MGA: variants seen among roughly 807,000 people sequenced by gnomAD.
MGA encodes MAX dimerization protein MGA.
Under a neutral mutation model 261.1 loss-of-function variants are expected in MGA, and 40 were observed. The ratio of observed to expected loss-of-function variants is 0.15; its 90% CI spans 0.12 to 0.20. The LOEUF (loss-of-function observed/expected upper bound fraction) is 0.20, where lower values mean the gene tolerates loss of function less well. MGA is among the 10% of genes least tolerant of loss of function. The pLI is 1.00. For missense variants in MGA, 3,397 were observed against 3,630.5 expected (o/e 0.94, Z 1.65); for synonymous variants, 1,302 against 1,290.6 (o/e 1.01, Z -0.19).
At chr15:41,734,198 G>A (rs186976094) in intron 11 of MGA, among the ~76,000 whole-genome samples, 25 of 152,082 alleles carry the variant, frequency 1.6e-4, no homozygotes, top group Non-Finnish European at 2.4e-4. Context: ...ATGAGCCACC[G>A]AGACTGGCCT....
intron 1 of MGA, among the ~76,000 whole-genome samples, chr15:41,623,574 G>A (rs1023504660): frequency 6.6e-6 from 1 of 151,740 alleles, no homozygotes. Flanking sequence ...GAAAAACCCC[G>A]TCTCGACTAA....
chr15:41,650,828 C>T (rs2057028113), intron 1 of MGA, among the ~76,000 whole-genome samples: 1 of 152,202 alleles, frequency 6.6e-6, no homozygotes, highest in Admixed American at 6.5e-5. Flanking sequence ...GTATCATGAA[C>T]ATCATGGACT....
chr15:41,754,744 C>T (rs958882055), intron 18 of MGA, among the ~76,000 whole-genome samples, 177 bp downstream of exon 18: 19 of 151,968 alleles, frequency 1.3e-4, no homozygotes, highest in African/African-American at 3.6e-4. Flanking sequence ...TTTCTTTGGT[C>T]GTTGGTAGGA....
chr15:41,756,664 A>T (rs987434287), intron 18 of MGA, among the ~76,000 whole-genome samples: 5 of 152,238 alleles, frequency 3.3e-5, no homozygotes, highest in African/African-American at 9.6e-5. Flanking sequence ...GGAAATTCAC[A>T]TTGTGGAATA....
chr15:41,686,380 A>G (rs1223448891), intron 2 of MGA, among the ~76,000 whole-genome samples: 2 of 152,114 alleles, frequency 1.3e-5, no homozygotes, highest in African/African-American at 4.8e-5. Context: ...TTAAAAAAAT[A>G]ATTAGCTGGG....
At chr15:41,718,299 GTGTATA>G (rs1038501312) in intron 9 of MGA, 24 of 215,786 alleles carry the variant, frequency 1.1e-4, no homozygotes, top group African/African-American at 3.4e-4. Flanking sequence ...GTGTGTGTGT[GTGTATA>G]TATATATATA....
At chr15:41,658,709 TTTTTG>T (rs1471879464), upstream of MGA, among the ~76,000 whole-genome samples, 11 of 151,744 alleles carry the variant, frequency 7.2e-5, no homozygotes, top group East Asian at 1.7e-3. Flanking sequence ...CAGCGTTTTT[TTTTTG>T]TTTTGTTTTT....
intron 15 of MGA, among the ~76,000 whole-genome samples, chr15:41,745,926 A>C (rs931760189): frequency 6.6e-6 from 1 of 152,186 alleles, no homozygotes; most frequent in Non-Finnish European, 1.5e-5. Context: ...AACATTTAAC[A>C]AGTTTTCTAA....
intron 5 of MGA, among the ~76,000 whole-genome samples, chr15:41,702,401 G>A (rs551614610): frequency 6.6e-6 from 1 of 151,942 alleles, no homozygotes; most frequent in Admixed American, 6.5e-5. Flanking sequence ...TTAACTGGGT[G>A]ATGCCAATCC....
chr15:41,670,841 G>A (rs2150965255), intron 2 of MGA, among the ~76,000 whole-genome samples: 1 of 152,068 alleles, frequency 6.6e-6, no homozygotes, highest in African/African-American at 2.4e-5. Context: ...ATAATTTTAA[G>A]CTTCTTCTTT....
At chr15:41,765,733 A>C (rs1436997342) in intron 23 of MGA, among the ~76,000 whole-genome samples, 2 of 152,220 alleles carry the variant, frequency 1.3e-5, no homozygotes, top group Non-Finnish European at 2.9e-5. Flanking sequence ...TTAGGAGAAG[A>C]ATTAACTTGG....
intron 9 of MGA, chr15:41,718,711 A>G (rs2060785518): frequency 4.8e-6 from 1 of 207,168 alleles, no homozygotes; most frequent in African/African-American, 2.3e-5. Context: ...AAAGATTGAC[A>G]AAATTCATTT....
rs761293466 is a variant in MGA, at chr15:41,727,395, C to T, written c.3646C>T (p.Pro1216Ser). Residue 1216 changes from proline to serine, a missense_variant, in exon 10 of 24, where the codon CCC (proline) becomes TCC (serine). Around this residue, in one of 9 missense-constraint regions of MGA, gnomAD observed 519 missense variants for 554.1 expected, o/e 0.94. Transcript: ENST00000219905. ...ATCTCCACGGTCATATACTCCCAAA[C>T]CCAATCCTGTGGTAAGTCTGGAATT... is the stretch of plus-strand genomic sequence containing the variant. 6.2e-7 allele frequency: 1 copy of T among 1,613,006 alleles called. No individual in the cohort carries two copies. The highest frequency in any genetic ancestry group is 1.1e-5 in the South Asian group (1 of 90,956).
intron 2 of MGA, among the ~76,000 whole-genome samples, chr15:41,670,696 CAG>C (rs1231908593): frequency 6.6e-6 from 1 of 152,082 alleles, no homozygotes; most frequent in East Asian, 1.9e-4. Context: ...TTGGTAGAGA[CAG>C]GGTTTCACTG....
intron 2 of MGA, among the ~76,000 whole-genome samples, chr15:41,672,553 A>G (rs1033344627): frequency 3.9e-5 from 6 of 152,220 alleles, no homozygotes; most frequent in African/African-American, 7.2e-5. Context: ...TTATTAACGT[A>G]TAGTATCTCT....
At chr15:41,680,723 A>C (rs1047716254) in intron 2 of MGA, among the ~76,000 whole-genome samples, 1 of 152,204 alleles carries the variant, frequency 6.6e-6, no homozygotes, top group African/African-American at 2.4e-5. Flanking sequence ...CCCTCTCCCC[A>C]TGGAAACATA....
chr15:41,667,135 A>G (rs1013354970), intron 1 of MGA, among the ~76,000 whole-genome samples: 2 of 152,082 alleles, frequency 1.3e-5, no homozygotes, highest in East Asian at 1.9e-4. Context: ...CCTCTTAACT[A>G]TGTACATATT....
At position 41,710,784 on chromosome 15, in the gene MGA, C is replaced by G. The variant is rs1318261562; in HGVS notation, c.2519C>G (p.Thr840Arg). Residue 840 changes from threonine to arginine, a missense_variant, in exon 8 of 24, where the codon ACA becomes AGA. This residue lies in a region of MGA where 519 missense variants were observed against 554.1 expected (regional missense o/e 0.94). Coordinates refer to ENST00000219905, the MANE Select transcript of MGA (RefSeq NM_001164273.2). ...GAAAATGAAGGCAAGCTGATGGAAA[C>G]AAGCATGGGTTTTTCTTCTAATGCT... The G allele has an allele frequency of 6.2e-7, 1 of 1,613,794 alleles. No individual in the cohort carries two copies.
chr15:41,628,532 C>T (rs978154715), intron 1 of MGA, among the ~76,000 whole-genome samples: 7 of 151,852 alleles, frequency 4.6e-5, no homozygotes, highest in East Asian at 1.9e-4. Flanking sequence ...CACACCCAAA[C>T]GTGGAGAATT....
Sources: allele counts gnomAD v4.1 joint callset (sites outside exome capture counted in the v4.1 genomes callset), GRCh38; gene constraint gnomAD v4.1.1; regional missense constraint gnomAD v4.1.1; transcripts MANE v1.5; gene names NCBI Gene and HGNC (gene_info 2026-07-23, HGNC 2026-07-21).